Variants in LILRB2 observed in about 807,000 individuals in gnomAD.
LILRB2 encodes leukocyte immunoglobulin like receptor B2.
Under a neutral mutation model 72.7 loss-of-function variants are expected in LILRB2, and 47 were observed. That is an observed-to-expected ratio of 0.65 (90% CI 0.51 to 0.82). The LOEUF is 0.82. Ranked by LOEUF, LILRB2 falls within the 40% of genes least tolerant of loss-of-function variation. LILRB2 has a pLI of 0.00. For synonymous variants in LILRB2, 279 were observed against 313.7 expected (o/e 0.89, Z 1.17); for missense variants, 767 against 764.8 (o/e 1.00, Z -0.03).
chr19:54,277,809 G>T, intron 8 of LILRB2, 80 bp downstream of exon 8: 1 of 1,363,586 alleles, frequency 7.3e-7, no homozygotes, highest in Admixed American at 2.0e-5. Context: ...GTCCCTGAAG[G>T]GAATGGGATC....
At chr19:54,280,107 C>T in intron 3 of LILRB2, 32 bp from the exon 4 acceptor site, 1 of 1,612,024 alleles carries the variant, frequency 6.2e-7, no homozygotes, top group Non-Finnish European at 8.5e-7. Flanking sequence ...GATTCGAAGT[C>T]ATTTCCCACC....
rs771068803 is a variant in LILRB2, at chr19:54,279,468, C to A, written c.535G>T (p.Ala179Ser). ...CTCACGGGGCCCACGGAGAAGATGG[C>A]GCGGGACGACCCACGGGCATGGGGC... ...SQPHARGSSR[A>S]IFSVGPVSPN... The change falls in exon 5 of 14, where the codon GCC becomes TCC. Residue 179 changes from alanine (A) to serine (S), a missense_variant. Coordinates refer to ENST00000314446, the MANE Select transcript of LILRB2 (RefSeq NM_001080978.4). 1 of 1,614,156 alleles carries A rather than the reference C, an allele frequency of 6.2e-7. No individual in the cohort carries two copies. Among genetic ancestry groups the A allele is most frequent in the Non-Finnish European group, 8.5e-7 (1 of 1,180,018 alleles).
rs375547293 is a variant in LILRB2, at chr19:54,275,940, C to G, written c.1647+11G>C. ...AGGCCTTTGGTGCCTGGGACAGGGG[C>G]GGGGTCTCACCCGAGTGTCCATCTC... is the stretch of plus-strand genomic sequence containing the variant. On this transcript the variant is annotated intron_variant, in intron 13 of 13. Coordinates refer to ENST00000314446, the MANE Select transcript of LILRB2 (RefSeq NM_001080978.4). 1 of 1,613,940 alleles carries G rather than the reference C, an allele frequency of 6.2e-7. No individual in the cohort carries two copies. Among genetic ancestry groups the G allele is most frequent in the Non-Finnish European group, 8.5e-7 (1 of 1,179,876 alleles).
At chr19:54,277,175 C>G in intron 9 of LILRB2, 2 of 1,515,148 alleles carry the variant, frequency 1.3e-6, no homozygotes, top group African/African-American at 1.4e-5. Flanking sequence ...GACCTGCAGC[C>G]CTTGTTCCTG....
chr19:54,279,708 C>A, intron 4 of LILRB2, 61 bp from the exon 5 acceptor site: 1 of 1,606,298 alleles, frequency 6.2e-7, no homozygotes, highest in Non-Finnish European at 8.5e-7. Context: ...ATCCCCAGGG[C>A]TGGGCTGTGA....
chr19:54,276,372 C>A lies in LILRB2; in HGVS notation c.1556+9G>T, dbSNP rs2080227722. 4 of 1,607,482 alleles carry A rather than the reference C, an allele frequency of 2.5e-6. No homozygotes were observed. Among genetic ancestry groups the A allele is most frequent in the African/African-American group, 2.7e-5 (2 of 74,646 alleles). ...CAGGTGGGAGTCTGGGGTCTTCGGG[C>A]AGAATTACCTCCACTGCAGGCCTCT... On this transcript the variant is annotated intron_variant, in intron 11 of 13. Coordinates refer to ENST00000314446, the MANE Select transcript of LILRB2 (RefSeq NM_001080978.4).
In LILRB2 at chr19:54,279,161, A is replaced by T. The variant is rs547637566; in HGVS notation, c.659-53T>A. On this transcript the variant is annotated intron_variant, in intron 5 of 13. Coordinates refer to ENST00000314446, the MANE Select transcript of LILRB2 (RefSeq NM_001080978.4). ...GAGCCGACCCTCAGGCTTCCCCACA[A>T]ACCCTCCCTCTCCCCCGGTGCCTCA... The T allele has an allele frequency of 8.6e-4, 1,368 of 1,581,986 alleles. No individual in the cohort carries two copies. The Admixed American group carries it at 8.9e-3, about 10-fold the overall frequency.
At position 54,275,211 on chromosome 19, in the gene LILRB2, G is replaced by A. The variant is rs575681020; in HGVS notation, c.1648-382C>T. On this transcript the variant is annotated intron_variant, in intron 13 of 13. Transcript: ENST00000314446. ...CCCTAAGGCCGTGGAGGGTCTGGCC[G>A]CTCCCTTCCTGTGGTTCTGGCCTCT... The A allele has an allele frequency of 9.8e-5, 112 of 1,142,570 alleles. 1 individual carries two copies. The African/African-American group carries it at 1.3e-3, about 13-fold the overall frequency. 70.8% of individuals were successfully genotyped at this position (1,142,570 alleles called of 1,614,324 possible). A position where few individuals can be genotyped will look rare whatever the true frequency, so the allele number is the denominator to read the frequency against.
In LILRB2 at chr19:54,279,923, G is replaced by A. The variant is rs751879391; in HGVS notation, c.223C>T (p.Pro75Ser). The A allele has an allele frequency of 1.9e-6, 3 of 1,613,998 alleles. No individual in the cohort carries two copies. In the Admixed American group the frequency reaches 5.0e-5, roughly 27 times the overall value. ...AACTGGCCGTTCTTCACAAGCTCTG[G>A]TCGTATCCGTGTAATCCAAGATGCT... is the stretch of plus-strand genomic sequence containing the variant. ...KSASWITRIR[P>S]ELVKNGQFHI... Residue 75 changes from proline to serine, a missense_variant, in exon 4 of 14, where the codon CCA becomes TCA. Pro to Ser is a moderately conservative substitution (Grantham distance 74, BLOSUM62 -1). Transcript: ENST00000314446.
At chr19:54,274,995 TTC>T (rs1446487172) in intron 13 of LILRB2, 166 bp from the exon 14 acceptor site, 13 of 1,609,428 alleles carry the variant, frequency 8.1e-6, no homozygotes, top group African/African-American at 5.4e-5. Context: ...GAGAGGCCAT[TTC>T]TCTCCTAGGT....
Position 54,276,361 on chromosome 19 carries a change from G to C in LILRB2, c.1556+20C>G. The C allele has an allele frequency of 6.2e-7, 1 of 1,609,244 alleles. No individual in the cohort carries two copies. The highest frequency in any genetic ancestry group is 1.1e-5 in the South Asian group (1 of 90,988). The stretch of plus-strand genomic sequence containing the variant: ...TGGGCCACGAGCAGGTGGGAGTCTG[G>C]GGTCTTCGGGCAGAATTACCTCCAC... On this transcript the variant is annotated intron_variant, in intron 11 of 13. Coordinates refer to ENST00000314446, the MANE Select transcript of LILRB2 (RefSeq NM_001080978.4).
intron 7 of LILRB2, 160 bp downstream of exon 7, chr19:54,278,100 C>T: frequency 2.5e-6 from 3 of 1,177,110 alleles, no homozygotes; most frequent in South Asian, 1.5e-5. Flanking sequence ...GTGCGCAGGC[C>T]TGGGAGGGCC....
chr19:54,276,681 A>G, intron 10 of LILRB2, 126 bp downstream of exon 10: 1 of 1,515,068 alleles, frequency 6.6e-7, no homozygotes, highest in Non-Finnish European at 8.9e-7. Context: ...TGCTTTCTCC[A>G]TTCACCTGGT....
chr19:54,275,560 G>A (rs1332687559), intron 13 of LILRB2: 22 of 518,324 alleles, frequency 4.2e-5, no homozygotes, highest in Middle Eastern at 3.2e-4. Context: ...AGGCGGGGGC[G>A]GCTTTGCTCC....
chr19:54,278,854 C>G lies in LILRB2; in HGVS notation c.913G>C (p.Glu305Gln). 2 of 1,613,324 alleles carry G rather than the reference C, an allele frequency of 1.2e-6. No individual in the cohort carries two copies. Among genetic ancestry groups the G allele is most frequent in the South Asian group, 2.2e-5 (2 of 91,062 alleles). Residue 305 changes from glutamate to glutamine, a missense_variant, in exon 6 of 14, where the codon GAG (glutamate) becomes CAG (glutamine). This residue lies in a region of LILRB2 where 599 missense variants were observed against 568.2 expected (regional missense o/e 1.05). Coordinates refer to ENST00000314446, the MANE Select transcript of LILRB2 (RefSeq NM_001080978.4). The stretch of plus-strand genomic sequence containing the variant: ...AGGGGGTCGCTGGGGGCCGAGCACT[C>G]AGAGGAGAGGTTGTGTGCACCGTAG... Reference protein sequence around the residue: ...RCYGAHNLSSECSAPSDPLDI... With the variant: ...RCYGAHNLSSQCSAPSDPLDI...
In LILRB2 at chr19:54,276,940, A is replaced by G. The variant is rs767258640; in HGVS notation, c.1358-11T>C. The G allele has an allele frequency of 6.2e-7, 1 of 1,612,316 alleles. No homozygotes were observed. Among genetic ancestry groups the G allele is most frequent in the Admixed American group, 1.7e-5 (1 of 59,756 alleles). On this transcript the variant is annotated splice_polypyrimidine_tract_variant and intron_variant, in intron 9 of 13. Coordinates refer to ENST00000314446, the MANE Select transcript of LILRB2 (RefSeq NM_001080978.4). ...GGTGCCTTCCCAGACCTTGAGCACG[A>G]TGATGTCAGGGATGGGGGTGATGTC...
Position 54,278,280 on chromosome 19 carries a change from G to A in LILRB2, c.1238C>T (p.Pro413Leu). The A allele has an allele frequency of 6.2e-7, 1 of 1,614,212 alleles. No individual in the cohort carries two copies. The highest frequency in any genetic ancestry group is 8.5e-7 in the Non-Finnish European group (1 of 1,180,026). ...CCCACCTGAGACCACGAGCTCCAGG[G>A]GCTCACTGGGGTGAGACAGCAGGTA... ...DPYLLSHPSE[P>L]LELVVSGPSM... The change falls in exon 7 of 14, where the codon CCC becomes CTC. Residue 413 changes from proline to leucine, a missense_variant. Transcript: ENST00000314446.
At position 54,278,291 on chromosome 19, in the gene LILRB2, G is replaced by A. The variant is rs1276081061; in HGVS notation, c.1227C>T (p.His409=). The part of the protein sequence containing the change: ...SLNSDPYLLS[H]PSEPLELVVS... ...CCACGAGCTCCAGGGGCTCACTGGG[G>A]TGAGACAGCAGGTAGGGGTCGGAGT... Residue 409 remains histidine, a synonymous_variant, in exon 7 of 14, where the codon CAC becomes CAT. Coordinates refer to ENST00000314446, the MANE Select transcript of LILRB2 (RefSeq NM_001080978.4). 1.2e-6 allele frequency: 2 copies of A among 1,614,234 alleles called. No individual in the cohort carries two copies. Among genetic ancestry groups the A allele is most frequent in the Non-Finnish European group, 1.7e-6 (2 of 1,180,030 alleles).
Position 54,278,969 on chromosome 19 carries a change from C to A in LILRB2, c.798G>T (p.Gln266His), listed in dbSNP as rs777882188. ...LYKEGERDLRQLPGRQPQAGL... is the reference protein window; with the variant it reads ...LYKEGERDLRHLPGRQPQAGL... ...CAGCCTGGGGCTGCCGGCCAGGGAG[C>A]TGGCGAAGGTCACGTTCCCCCTCCT... Residue 266 changes from glutamine to histidine, a missense_variant, in exon 6 of 14, where the codon CAG becomes CAT. Gln to His is a conservative substitution (Grantham distance 24, BLOSUM62 0). Transcript: ENST00000314446. The A allele has an allele frequency of 6.2e-6, 10 of 1,614,094 alleles. No homozygotes were observed. The highest frequency in any genetic ancestry group is 8.5e-6 in the Non-Finnish European group (10 of 1,180,032).
Sources: gnomAD v4.1 joint callset for allele counts on GRCh38, gnomAD v4.1.1 for gene constraint, gnomAD v4.1.1 regional missense constraint, MANE v1.5 for transcripts, NCBI Gene and HGNC (gene_info 2026-07-23, HGNC 2026-07-21) for gene names.